The following STXBP5L variants were observed in gnomAD, a reference collection of about 807,000 sequenced individuals.
The protein encoded by STXBP5L is syntaxin-binding protein 5-like.
STXBP5L carries 65 observed loss-of-function variants against 144.5 expected under a neutral mutation model. The observed-to-expected ratio is 0.45, with a 90% confidence interval of 0.37 to 0.55. The LOEUF is 0.55. Ranked by LOEUF, STXBP5L falls within the 20% of genes least tolerant of loss-of-function variation. The pLI, the probability that STXBP5L is intolerant of heterozygous loss-of-function variation, is 0.00. For missense variants in STXBP5L, 1,298 were observed against 1,405.5 expected (o/e 0.92, Z 1.22); for synonymous variants, 505 against 469.6 (o/e 1.08, Z -0.97).
chr3:121,306,484 G>A lies in STXBP5L; in HGVS notation c.2111-11991G>A, dbSNP rs114378322. On this transcript the variant is annotated intron_variant, in intron 19 of 26. Transcript: ENST00000471454. ...TATGCTTGAAAAGATAAGCTGAGAAGACCAGAGGATACCACCTTTGCCCAA... is the reference window on the plus strand; with the variant it reads ...TATGCTTGAAAAGATAAGCTGAGAAAACCAGAGGATACCACCTTTGCCCAA... Among the ~76,000 whole-genome samples the A allele has an allele frequency of 5.7e-3, 873 of 152,166 alleles. 4 individuals carry two copies. The highest frequency in any genetic ancestry group is 0.02 in the African/African-American group (840 of 41,508).
At chr3:121,077,920 GTACAATCCCT>G (rs2042089568) in intron 5 of STXBP5L, among the ~76,000 whole-genome samples, 1 of 137,478 alleles carries the variant, frequency 7.3e-6, no homozygotes, top group African/African-American at 2.7e-5. Context: ...ATTTGTGTAT[GTACAATCCCT>G]TAGCTAGACA....
chr3:121,037,759 A>AT (rs1946861680), intron 3 of STXBP5L, among the ~76,000 whole-genome samples: 1 of 151,992 alleles, frequency 6.6e-6, no homozygotes, highest in African/African-American at 2.4e-5. Flanking sequence ...TAAATGTGTC[A>AT]TAGATTTTAT....
intron 19 of STXBP5L, among the ~76,000 whole-genome samples, chr3:121,294,685 G>T (rs1344599958): frequency 6.6e-6 from 1 of 152,104 alleles, no homozygotes; most frequent in Non-Finnish European, 1.5e-5. Flanking sequence ...AAGGAGATTT[G>T]TGAATAGAGA....
chr3:121,383,874 T>C (rs150587341), intron 22 of STXBP5L, among the ~76,000 whole-genome samples: 1 of 152,162 alleles, frequency 6.6e-6, no homozygotes, highest in Non-Finnish European at 1.5e-5. Flanking sequence ...TTTATGTTAT[T>C]ATGGTTGCTG....
At chr3:120,957,746 C>A (rs1268866981) in intron 3 of STXBP5L, among the ~76,000 whole-genome samples, 1 of 151,932 alleles carries the variant, frequency 6.6e-6, no homozygotes, top group Non-Finnish European at 1.5e-5. Context: ...ATCTCTGGGA[C>A]ACATTTAAAG....
At chr3:121,195,243 A>G (rs1029176867) in intron 9 of STXBP5L, among the ~76,000 whole-genome samples, 3 of 151,922 alleles carry the variant, frequency 2.0e-5, no homozygotes, top group African/African-American at 7.3e-5. Flanking sequence ...GATTATAATA[A>G]TGTTAGTTTC....
At chr3:121,038,546 A>G (rs1343007215) in intron 3 of STXBP5L, among the ~76,000 whole-genome samples, 1 of 151,784 alleles carries the variant, frequency 6.6e-6, no homozygotes, top group Non-Finnish European at 1.5e-5. Context: ...TGTTTCTTTT[A>G]TATTTCAAAA....
At chr3:121,011,775 TTTG>T (rs1273765732) in intron 3 of STXBP5L, among the ~76,000 whole-genome samples, 1 of 151,912 alleles carries the variant, frequency 6.6e-6, no homozygotes, top group African/African-American at 2.4e-5. Context: ...TTTTTTTTGT[TTTG>T]TTGTTAAACT....
At chr3:121,400,916 T>G (rs2046856891) in intron 22 of STXBP5L, among the ~76,000 whole-genome samples, 1 of 152,146 alleles carries the variant, frequency 6.6e-6, no homozygotes. Context: ...TTAACTTTCC[T>G]TTACATAGAA....
intron 19 of STXBP5L, among the ~76,000 whole-genome samples, chr3:121,301,678 G>A (rs1407530763): frequency 6.6e-5 from 10 of 152,236 alleles, no homozygotes; most frequent in African/African-American, 1.9e-4. Context: ...TATTGGCTGT[G>A]GGTTTGTCAT....
chr3:120,926,356 C>CTTT lies in STXBP5L; in HGVS notation c.189+16602_189+16604dup, dbSNP rs35029446. Among the ~76,000 whole-genome samples, 833 of 139,726 alleles carry CTTT rather than the reference C, an allele frequency of 6.0e-3. 15 individuals are homozygous for CTTT. The highest frequency in any genetic ancestry group is 0.019 in the African/African-American group (703 of 37,788). 91.7% of individuals were successfully genotyped at this position (139,726 alleles called of 152,430 possible). Reference sequence around the variant, plus strand: ...GATATAGTATTCTTGGATGGCAGTTCTTTTTTTTTTTTTTTCTTTCACCAC... The same window carrying CTTT: ...GATATAGTATTCTTGGATGGCAGTTCTTTTTTTTTTTTTTTTTTCTTTCACCAC... On this transcript the variant is annotated intron_variant, in intron 2 of 26. Transcript: ENST00000471454.
chr3:121,403,482 A>C (rs2046929211), intron 22 of STXBP5L, among the ~76,000 whole-genome samples: 4 of 152,100 alleles, frequency 2.6e-5, no homozygotes, highest in Non-Finnish European at 4.4e-5. Context: ...TTTATAATAA[A>C]TGTTTTTCTT....
chr3:121,253,810 CT>C (rs34678687), intron 15 of STXBP5L, among the ~76,000 whole-genome samples: 14 of 95,066 alleles, frequency 1.5e-4, no homozygotes, highest in Admixed American at 2.5e-4. Context: ...TTTTTTTTTT[CT>C]TTTTTTTTTT....
intron 20 of STXBP5L, among the ~76,000 whole-genome samples, chr3:121,370,227 G>A (rs2045990943): frequency 6.6e-6 from 1 of 152,110 alleles, no homozygotes; most frequent in South Asian, 2.1e-4. Flanking sequence ...AATTAGCCAG[G>A]CATGATGGCA....
At chr3:121,161,605 G>A (rs1380159716) in intron 9 of STXBP5L, among the ~76,000 whole-genome samples, 1 of 151,896 alleles carries the variant, frequency 6.6e-6, no homozygotes, top group African/African-American at 2.4e-5. Flanking sequence ...TTTTACTCAA[G>A]ATTAGCACTG....
intron 2 of STXBP5L, among the ~76,000 whole-genome samples, chr3:120,927,692 C>T (rs1457426029): frequency 6.6e-6 from 1 of 152,050 alleles, no homozygotes; most frequent in Non-Finnish European, 1.5e-5. Context: ...TTTTTCACTT[C>T]CCTGTGACCC....
chr3:121,020,321 A>G (rs1434592399), intron 3 of STXBP5L, among the ~76,000 whole-genome samples: 1 of 152,208 alleles, frequency 6.6e-6, no homozygotes, highest in Non-Finnish European at 1.5e-5. Flanking sequence ...AGAAATCTAA[A>G]AGTTTGGAAA....
At chr3:121,002,442 G>A (rs1038805163) in intron 3 of STXBP5L, among the ~76,000 whole-genome samples, 3 of 151,952 alleles carry the variant, frequency 2.0e-5, no homozygotes, top group Non-Finnish European at 4.4e-5. Flanking sequence ...TTTTATATAT[G>A]CATATCAGAT....
intron 22 of STXBP5L, among the ~76,000 whole-genome samples, chr3:121,396,598 A>G (rs2046735984): frequency 6.6e-6 from 1 of 152,126 alleles, no homozygotes; most frequent in African/African-American, 2.4e-5. Flanking sequence ...TCGAGGATTA[A>G]CTCCTCCTGT....
Sources: gnomAD v4.1 joint callset for allele counts (sites outside exome capture counted in the v4.1 genomes callset) on GRCh38, gnomAD v4.1.1 for gene constraint, MANE v1.5 for transcripts, NCBI Gene and HGNC (gene_info 2026-07-23, HGNC 2026-07-21) for gene names.